TLE2: variants seen among roughly 807,000 people sequenced by gnomAD.
TLE2 encodes the protein TLE family member 2, transcriptional corepressor.
In TLE2, 74 loss-of-function variants were observed where a neutral mutation model predicts 97.2. That is an observed-to-expected ratio of 0.76 (90% CI 0.63 to 0.92). The LOEUF (loss-of-function observed/expected upper bound fraction) is 0.92. Among genes scored for constraint, TLE2 ranks in the 40% least tolerant of loss-of-function variants. The pLI is 0.00. For synonymous variants in TLE2, 499 were observed against 432.1 expected, an observed-to-expected ratio of 1.15 and a Z score of -1.92; for missense variants, 1,038 against 1,008.7, an observed-to-expected ratio of 1.03 and a Z score of -0.39.
At chr19:3,015,567 C>T in intron 9 of TLE2, 86 bp downstream of exon 9, 1 of 1,075,066 alleles carries the variant, frequency 9.3e-7, no homozygotes, top group Non-Finnish European at 1.4e-6. Context: ...GAATTATGGC[C>T]AGAGCTGGGC....
chr19:3,000,112 C>T (rs1219717069), intron 19 of TLE2, among the ~76,000 whole-genome samples: 1 of 151,370 alleles, frequency 6.6e-6, no homozygotes, highest in Admixed American at 6.6e-5. Flanking sequence ...CACTCTGTCG[C>T]CCAGGCTGGA....
intron 1 of TLE2, among the ~76,000 whole-genome samples, chr19:3,041,665 T>G (rs2145234119): frequency 6.6e-6 from 1 of 152,240 alleles, no homozygotes. Context: ...TTCCAAACCT[T>G]CCCCATGACT....
chr19:3,027,396 A>G (rs1755211418), intron 4 of TLE2, among the ~76,000 whole-genome samples: 3 of 152,236 alleles, frequency 2.0e-5, no homozygotes, highest in Admixed American at 1.3e-4. Context: ...AGAAGCTTCA[A>G]AGCAGCAACA....
intron 1 of TLE2, among the ~76,000 whole-genome samples, chr19:3,040,793 C>CGG (rs1026207331): frequency 1.3e-5 from 2 of 151,686 alleles, no homozygotes; most frequent in Non-Finnish European, 2.9e-5. Context: ...TGCACCACCA[C>CGG]GCCTGGCTCA....
At chr19:3,015,940 T>C in intron 8 of TLE2, 180 bp from the exon 9 acceptor site, 1 of 598,088 alleles carries the variant, frequency 1.7e-6, no homozygotes, top group Non-Finnish European at 3.2e-6. Flanking sequence ...TTCTCTCTTC[T>C]GTTTTGTTTT....
intron 19 of TLE2, among the ~76,000 whole-genome samples, chr19:2,999,863 T>C (rs1269643350): frequency 6.7e-6 from 1 of 148,266 alleles, no homozygotes; most frequent in Non-Finnish European, 1.5e-5. Flanking sequence ...TGAAACCCCC[T>C]CTCTACTGAA....
chr19:3,005,993 G>A (rs1320386612), intron 15 of TLE2, 25 bp from the exon 16 acceptor site: 3 of 1,608,978 alleles, frequency 1.9e-6, no homozygotes, highest in East Asian at 2.2e-5. Context: ...AGAAGCAGGG[G>A]CTGGGGGTTG....
chr19:3,009,732 G>A, intron 12 of TLE2, 30 bp from the exon 13 acceptor site: 1 of 1,582,678 alleles, frequency 6.3e-7, no homozygotes, highest in Non-Finnish European at 8.6e-7. Flanking sequence ...GACAGGTTTT[G>A]ACGCCCTGGA....
chr19:3,009,912 A>G (rs1330916437), intron 12 of TLE2, among the ~76,000 whole-genome samples: 1 of 134,980 alleles, frequency 7.4e-6, no homozygotes. Context: ...TTGAGATGGA[A>G]TCTTGCTCTG....
intron 5 of TLE2, among the ~76,000 whole-genome samples, chr19:3,021,746 C>T (rs1230939682): frequency 6.6e-6 from 1 of 151,844 alleles, no homozygotes; most frequent in Non-Finnish European, 1.5e-5. Flanking sequence ...CCACACCCAA[C>T]TAATTTTCAT....
chr19:3,020,024 T>G (rs1363964107), intron 5 of TLE2: 1 of 534,268 alleles, frequency 1.9e-6, no homozygotes, highest in East Asian at 3.4e-5. Context: ...GGCTCACGCC[T>G]GGAATCCCAG....
Position 3,011,144 on chromosome 19 carries a change from C to G in TLE2, c.890G>C (p.Ser297Thr). 6.2e-7 allele frequency: 1 copy of G among 1,603,386 alleles called. No homozygotes were observed. The highest frequency in any genetic ancestry group is 8.5e-7 in the Non-Finnish European group (1 of 1,174,774). The change falls in exon 12 of 20, where the codon AGC becomes ACC. Residue 297 changes from serine (S) to threonine (T), a missense_variant. By Grantham distance (58) the Ser-to-Thr change is moderately conservative. Transcript: ENST00000262953. ...KELILNDLPASTPASKSCDSS... is the reference protein window; with the variant it reads ...KELILNDLPATTPASKSCDSS... ...GTCACAGGATTTGGAGGCAGGAGTGCTGGCGGGAAGGTCATTCTGCAGAGA... is the reference window on the plus strand; with the variant it reads ...GTCACAGGATTTGGAGGCAGGAGTGGTGGCGGGAAGGTCATTCTGCAGAGA...
Position 3,019,848 on chromosome 19 carries a change from C to T in TLE2, c.295-75G>A. 2 of 1,515,560 alleles carry T rather than the reference C, an allele frequency of 1.3e-6. No individual in the cohort carries two copies. Among genetic ancestry groups the T allele is most frequent in the South Asian group, 1.2e-5 (1 of 83,488 alleles). The allele number at this position is 1,515,560 out of a possible 1,614,324, so 93.9% of individuals were successfully genotyped here. ...GCTAGCGGTGCCCTTGGGGACCTGA[C>T]CTCTCCCCGCCACCCTCTCATCTTT... On this transcript the variant is annotated intron_variant, in intron 5 of 19. Coordinates refer to ENST00000262953, the MANE Select transcript of TLE2 (RefSeq NM_003260.5). This position sits in a 1 kb window ranked among gnomAD's most constrained non-coding sequence, Gnocchi z 5.1.
At chr19:3,041,949 C>A (rs1284887076) in intron 1 of TLE2, among the ~76,000 whole-genome samples, 2 of 151,966 alleles carry the variant, frequency 1.3e-5, no homozygotes, top group African/African-American at 4.8e-5. Flanking sequence ...CAGGGTTGGG[C>A]AGGCCTAGGG....
chr19:3,021,114 A>AAAAGGG (rs752326503), intron 5 of TLE2, among the ~76,000 whole-genome samples: 1 of 45,442 alleles, frequency 2.2e-5, no homozygotes, highest in Non-Finnish European at 3.9e-5. Flanking sequence ...AAAAAAAAAA[A>AAAAGGG]GGGGGGGGGG....
chr19:3,027,952 C>A, intron 3 of TLE2, 79 bp from the exon 4 acceptor site: 1 of 1,388,058 alleles, frequency 7.2e-7, no homozygotes, highest in Non-Finnish European at 1.0e-6. Flanking sequence ...CAGGGTCTTC[C>A]AAGAGTCCCC....
At chr19:3,034,205 C>T (rs956419678), upstream of TLE2, among the ~76,000 whole-genome samples, 16 of 152,004 alleles carry the variant, frequency 1.1e-4, no homozygotes, top group Non-Finnish European at 2.1e-4. Flanking sequence ...AACCCTCCTC[C>T]GTTCTCCCCA....
At position 3,011,047 on chromosome 19, in the gene TLE2, C is replaced by G. The variant is rs777699077; in HGVS notation, c.987G>C (p.Lys329Asn). Reference sequence around the variant, plus strand: ...CGACGCTGTCCGTGGAAGGTGCTGGCTTGGCAGCAAGCTGGCAGAGGTGAC... The same window carrying G: ...CGACGCTGTCCGTGGAAGGTGCTGGGTTGGCAGCAAGCTGGCAGAGGTGAC... ...SASHLCQLAA[K>N]PAPSTDSVAL... The change falls in exon 12 of 20, where the codon AAG becomes AAC. Residue 329 changes from lysine (K) to asparagine (N), a missense_variant. By Grantham distance (94) the Lys-to-Asn change is moderately conservative (BLOSUM62 0). Transcript: ENST00000262953. 1 of 1,606,796 alleles carries G rather than the reference C, an allele frequency of 6.2e-7. No homozygotes were observed. The highest frequency in any genetic ancestry group is 1.3e-5 in the African/African-American group (1 of 74,788).
intron 18 of TLE2, among the ~76,000 whole-genome samples, chr19:3,001,314 T>C (rs953258511): frequency 6.6e-6 from 1 of 151,762 alleles, no homozygotes; most frequent in African/African-American, 2.4e-5. Context: ...GGGATCTCAC[T>C]ATGCTGCCCA....
Sources: allele counts gnomAD v4.1 joint callset (sites outside exome capture counted in the v4.1 genomes callset), GRCh38; gene constraint gnomAD v4.1.1; non-coding constraint Gnocchi (gnomAD v3.1); transcripts MANE v1.5; gene names NCBI Gene and HGNC (gene_info 2026-07-23, HGNC 2026-07-21).